ZNF791: variants seen among roughly 807,000 people sequenced by gnomAD.
ZNF791 encodes the protein zinc finger protein 791.
ZNF791 carries 4 observed loss-of-function variants against 11.5 expected under a neutral mutation model. The ratio of observed to expected loss-of-function variants is 0.35; its 90% CI spans 0.17 to 0.80. The LOEUF is 0.80. Ranked by LOEUF, ZNF791 falls within the 30% of genes least tolerant of loss-of-function variation. The pLI is 0.53. For missense variants in ZNF791, 559 were observed against 699.4 expected (o/e 0.80, Z 2.26); for synonymous variants, 212 against 228.1 (o/e 0.93, Z 0.64).
intron 1 of ZNF791, among the ~76,000 whole-genome samples, chr19:12,617,531 A>C (rs2023263088): frequency 6.6e-6 from 1 of 152,114 alleles, no homozygotes; most frequent in African/African-American, 2.4e-5. Context: ...ACTGATTTCT[A>C]GATTAATACC....
At position 12,632,374 on chromosome 19, in the gene ZNF791, A is replaced by G. The variant is rs2145200552; in HGVS notation, c.*3114A>G. The stretch of plus-strand genomic sequence containing the variant: ...TTTCAGTTGTTCTCTGAATAAAGAG[A>G]TTGTTGAATACTGACACACTGTAAC... On this transcript the variant is annotated 3_prime_UTR_variant, in exon 4 of 4. Coordinates refer to ENST00000343325, the MANE Select transcript of ZNF791 (RefSeq NM_153358.3). 6.6e-6 allele frequency: 1 copy of G among 152,116 alleles called. No individual in the cohort carries two copies. The highest frequency in any genetic ancestry group is 2.1e-4 in the South Asian group (1 of 4,830). 9.4% of individuals were successfully genotyped at this position (152,116 alleles called of 1,614,324 possible). A position where few individuals can be genotyped will look rare whatever the true frequency, so the allele number is the denominator to read the frequency against.
chr19:12,622,730 T>C (rs1280784744), intron 1 of ZNF791, among the ~76,000 whole-genome samples: 2 of 151,634 alleles, frequency 1.3e-5, no homozygotes, highest in African/African-American at 4.8e-5. Context: ...CCATCTCTAC[T>C]AAAAATACAA....
chr19:12,624,762 T>C, intron 3 of ZNF791, 52 bp downstream of exon 3: 2 of 1,475,092 alleles, frequency 1.4e-6, no homozygotes, highest in East Asian at 2.4e-5. Context: ...ATCTTAAAAA[T>C]GTTATGGCCG....
At chr19:12,615,955 G>A (rs8110078) in intron 1 of ZNF791, among the ~76,000 whole-genome samples, 4,405 of 152,238 alleles carry the variant, frequency 0.029, 121 homozygotes, top group African/African-American at 0.064. Flanking sequence ...AGCAAGGAAT[G>A]TGATTGCATG....
At position 12,632,602 on chromosome 19, in the gene ZNF791, T is replaced by G. The variant is rs1480838012; in HGVS notation, c.*3342T>G. 6 of 151,796 alleles carry G rather than the reference T, an allele frequency of 4.0e-5. No homozygotes were observed. Among genetic ancestry groups the G allele is most frequent in the Admixed American group, 3.9e-4 (6 of 15,190 alleles). The allele number at this position is 151,796 out of a possible 1,614,324, so 9.4% of individuals were successfully genotyped here. A position where few individuals can be genotyped will look rare whatever the true frequency, so the allele number is the denominator to read the frequency against. On this transcript the variant is annotated 3_prime_UTR_variant, in exon 4 of 4. Transcript: ENST00000343325. ...TTCGAGACCAACCTGGCCAACATGG[T>G]GAAATCCCATCTCTACTAAAAATAC...
chr19:12,622,305 C>T (rs2023362611), intron 1 of ZNF791, among the ~76,000 whole-genome samples: 1 of 143,140 alleles, frequency 7.0e-6, no homozygotes, highest in Non-Finnish European at 1.5e-5. Context: ...TGTCCCATGA[C>T]CCTGTCAAAT....
intron 1 of ZNF791, among the ~76,000 whole-genome samples, chr19:12,617,334 C>A (rs138192684): frequency 0.51 from 76,582 of 151,186 alleles, 22,069 homozygotes; most frequent in Non-Finnish European, 0.67. Flanking sequence ...CCATGTTGGC[C>A]AGGCTGGTCT....
At chr19:12,619,600 C>G (rs2023304537) in intron 1 of ZNF791, among the ~76,000 whole-genome samples, 1 of 151,888 alleles carries the variant, frequency 6.6e-6, no homozygotes, top group Admixed American at 6.6e-5. Flanking sequence ...CAGGCGCCCG[C>G]CACTTCTCCT....
At chr19:12,617,481 A>AT (rs1297314856) in intron 1 of ZNF791, among the ~76,000 whole-genome samples, 1 of 151,898 alleles carries the variant, frequency 6.6e-6, no homozygotes, top group Non-Finnish European at 1.5e-5. Context: ...GTTGGGTTTT[A>AT]TTTCCAAATA....
At chr19:12,615,011 A>ATTTT (rs2023224689) in intron 1 of ZNF791, among the ~76,000 whole-genome samples, 1 of 47,632 alleles carries the variant, frequency 2.1e-5, no homozygotes, top group African/African-American at 7.5e-5. Context: ...CCTATGTTCA[A>ATTTT]CTTTTTTTTT....
chr19:12,628,408 T>G lies in ZNF791; in HGVS notation c.879T>G (p.Ile293Met). ...GTTTTTTACGAGTACATGAAAGAAT[T>G]CACACTGGAGAGAAACCCTATAAAT... ...FPSFLRVHER[I>M]HTGEKPYKCK... Residue 293 changes from isoleucine to methionine, a missense_variant, in exon 4 of 4, where the codon ATT becomes ATG. Coordinates refer to ENST00000343325, the MANE Select transcript of ZNF791 (RefSeq NM_153358.3). 2 of 1,607,858 alleles carry G rather than the reference T, an allele frequency of 1.2e-6. No individual in the cohort carries two copies. The highest frequency in any genetic ancestry group is 4.5e-5 in the East Asian group (2 of 44,820).
intron 1 of ZNF791, among the ~76,000 whole-genome samples, chr19:12,618,332 T>G (rs1264161012): frequency 6.6e-6 from 1 of 152,070 alleles, no homozygotes; most frequent in East Asian, 1.9e-4. Flanking sequence ...GGCAACATAG[T>G]GAGACCCATC....
In ZNF791 at chr19:12,610,948, G is replaced by T; in HGVS notation, c.-132G>T. The T allele has an allele frequency of 3.2e-6, 4 of 1,261,988 alleles. No homozygotes were observed. The highest frequency in any genetic ancestry group is 1.2e-5 in the South Asian group (1 of 80,350). The allele number at this position is 1,261,988 out of a possible 1,614,324, so 78.2% of individuals were successfully genotyped here. ...TGCGTGCTACGTCACTGTGCGATCG[G>T]GTTGTGCTTAGCTTGGGGTCTCCTG... On this transcript the variant is annotated 5_prime_UTR_variant, in exon 1 of 4. Coordinates refer to ENST00000343325, the MANE Select transcript of ZNF791 (RefSeq NM_153358.3).
intron 1 of ZNF791, among the ~76,000 whole-genome samples, chr19:12,614,793 C>CAT (rs2023215110): frequency 6.8e-6 from 1 of 147,576 alleles, no homozygotes; most frequent in South Asian, 2.1e-4. Flanking sequence ...GGGGTTTCTC[C>CAT]ATGTTTGTCA....
chr19:12,612,893 A>G (rs908853832), intron 1 of ZNF791, among the ~76,000 whole-genome samples: 3 of 149,604 alleles, frequency 2.0e-5, no homozygotes, highest in African/African-American at 7.4e-5. Flanking sequence ...GCTTACTGCA[A>G]CCTCCGCACT....
In ZNF791 at chr19:12,628,385, T is replaced by G. The variant is rs1249105427; in HGVS notation, c.856T>G (p.Phe286Val). 2 of 1,608,122 alleles carry G rather than the reference T, an allele frequency of 1.2e-6. No homozygotes were observed. Among genetic ancestry groups the G allele is most frequent in the Admixed American group, 3.4e-5 (2 of 58,860 alleles). Residue 286 changes from phenylalanine (F) to valine (V), a missense_variant, in exon 4 of 4, where the codon TTT becomes GTT. Phe to Val is a conservative substitution (Grantham distance 50). Transcript: ENST00000343325. ...ECGKAFIFPS[F>V]LRVHERIHTG... is the part of the protein sequence containing the mutation. ...TGGAAAGGCATTCATTTTTCCCAGT[T>G]TTTTACGAGTACATGAAAGAATTCA... is the stretch of plus-strand genomic sequence containing the variant.
At chr19:12,617,438 CTTGAGATTTTT>C (rs2023261558) in intron 1 of ZNF791, among the ~76,000 whole-genome samples, 1 of 152,038 alleles carries the variant, frequency 6.6e-6, no homozygotes, top group Non-Finnish European at 1.5e-5. Flanking sequence ...TTTAATTTTT[CTTGAGATTTTT>C]TTGATTCATG....
At chr19:12,625,355 A>G (rs1288541364) in intron 3 of ZNF791, among the ~76,000 whole-genome samples, 5 of 151,546 alleles carry the variant, frequency 3.3e-5, no homozygotes, top group Non-Finnish European at 7.4e-5. Context: ...TCCTGACCTC[A>G]GGTGATCTGC....
chr19:12,617,646 C>A (rs973800730), intron 1 of ZNF791, among the ~76,000 whole-genome samples: 2 of 151,280 alleles, frequency 1.3e-5, no homozygotes, highest in African/African-American at 2.4e-5. Flanking sequence ...TCCACATGAA[C>A]TTGAGAAGAA....
Sources: allele counts gnomAD v4.1 joint callset (sites outside exome capture counted in the v4.1 genomes callset), GRCh38; gene constraint gnomAD v4.1.1; transcripts MANE v1.5; gene names NCBI Gene and HGNC (gene_info 2026-07-23, HGNC 2026-07-21).